Variants in SHISAL2A observed in about 807,000 individuals in gnomAD.
SHISAL2A encodes the protein shisa like 2A, also known as protein shisa-like-2A.
A neutral mutation model predicts 11.5 loss-of-function variants in SHISAL2A; 18 were observed. That is an observed-to-expected ratio of 1.57 (90% CI 1.08 to 2.33). The LOEUF is 2.33. SHISAL2A is among the 30% of genes most tolerant of loss of function. The probability of loss-of-function intolerance (pLI) is 0.00; values close to 1 mark genes in which losing one functional copy is unlikely to be tolerated. For synonymous variants in SHISAL2A, 94 were observed against 99.6 expected, an observed-to-expected ratio of 0.94 and a Z score of 0.34; for missense variants, 261 against 250.9, an observed-to-expected ratio of 1.04 and a Z score of -0.27.
intron 4 of SHISAL2A, among the ~76,000 whole-genome samples, chr1:52,665,444 C>T (rs1172272005): frequency 6.6e-6 from 1 of 152,146 alleles, no homozygotes; most frequent in Admixed American, 6.5e-5. Flanking sequence ...CAGTTGTCCC[C>T]GATGTCTTCT....
intron 1 of SHISAL2A, among the ~76,000 whole-genome samples, chr1:52,641,348 C>G (rs1200576703): frequency 6.6e-6 from 1 of 152,136 alleles, no homozygotes; most frequent in Admixed American, 6.5e-5. Flanking sequence ...GGGACTGAGC[C>G]CGTAACCTGT....
At chr1:52,667,920 C>T (rs1692042834) in intron 5 of SHISAL2A, among the ~76,000 whole-genome samples, 1 of 152,106 alleles carries the variant, frequency 6.6e-6, no homozygotes, top group African/African-American at 2.4e-5. Context: ...AGTTCTCTTG[C>T]CACCCAGTTT....
At position 52,633,636 on chromosome 1, in the gene SHISAL2A, G is replaced by A; in HGVS notation, c.143G>A (p.Ser48Asn). Reference sequence around the variant, plus strand: ...AAGTACTGCTGCGACGACCCGCACAGCTTCTTCCCCTACGAGCACAGCTAC... The same window carrying A: ...AAGTACTGCTGCGACGACCCGCACAACTTCTTCCCCTACGAGCACAGCTAC... ...DHKYCCDDPH[S>N]FFPYEHSYMW... Residue 48 changes from serine (S) to asparagine (N), a missense_variant, in exon 1 of 3, where the codon AGC becomes AAC. Ser to Asn is a conservative substitution (Grantham distance 46). Coordinates refer to ENST00000517870, the MANE Select transcript of SHISAL2A (RefSeq NM_001042693.3). This position sits in a 1 kb window ranked among gnomAD's most constrained non-coding sequence, Gnocchi z 6.4. 6.2e-7 allele frequency: 1 copy of A among 1,613,150 alleles called. No individual in the cohort carries two copies. Among genetic ancestry groups the A allele is most frequent in the Non-Finnish European group, 8.5e-7 (1 of 1,179,544 alleles).
downstream of SHISAL2A, among the ~76,000 whole-genome samples, chr1:52,657,594 C>T (rs1691818799): frequency 6.6e-6 from 1 of 152,136 alleles, no homozygotes; most frequent in African/African-American, 2.4e-5. Flanking sequence ...GCAGTTCACG[C>T]CTGTAGTCCT....
chr1:52,648,574 T>C (rs375673375), intron 2 of SHISAL2A, among the ~76,000 whole-genome samples: 10 of 152,296 alleles, frequency 6.6e-5, no homozygotes, highest in African/African-American at 2.4e-4. Flanking sequence ...CAGACACTGT[T>C]TGAAATTTCA....
At chr1:52,651,796 A>G (rs1489641914) in intron 2 of SHISAL2A, among the ~76,000 whole-genome samples, 1 of 152,226 alleles carries the variant, frequency 6.6e-6, no homozygotes, top group African/African-American at 2.4e-5. Flanking sequence ...TACAGAATGG[A>G]AAAAATTAGT....
rs779836276 is a variant in SHISAL2A, at chr1:52,656,892, C to T, written c.425C>T (p.Pro142Leu). The T allele has an allele frequency of 2.2e-5, 35 of 1,614,058 alleles. No homozygotes were observed. Among genetic ancestry groups the T allele is most frequent in the Admixed American group, 3.3e-5 (2 of 59,992 alleles). ...PLQQSYSCLNPQLESNEGQAV... is the reference protein window; with the variant it reads ...PLQQSYSCLNLQLESNEGQAV... ...CAGCAGAGTTACTCCTGCTTGAACC[C>T]GCAGCTGGAGAGCAATGAGGGGCAG... is the stretch of plus-strand genomic sequence containing the variant. Residue 142 changes from proline (P) to leucine (L), a missense_variant, in exon 3 of 3, where the codon CCG (proline) becomes CTG (leucine). By Grantham distance (98) the Pro-to-Leu change is moderately conservative. Transcript: ENST00000517870.
rs1194511561 is a variant in SHISAL2A at position 52,633,450 on chromosome 1, C to T, written c.-44C>T. The T allele has an allele frequency of 1.4e-6, 2 of 1,427,606 alleles. No homozygotes were observed. The highest frequency in any genetic ancestry group is 1.8e-6 in the Non-Finnish European group (2 of 1,099,390). The allele number at this position is 1,427,606 out of a possible 1,614,324, so 88.4% of individuals were successfully genotyped here. A position where few individuals can be genotyped will look rare whatever the true frequency, so the allele number is the denominator to read the frequency against. On this transcript the variant is annotated 5_prime_UTR_variant, in exon 1 of 3. Coordinates refer to ENST00000517870, the MANE Select transcript of SHISAL2A (RefSeq NM_001042693.3). The surrounding 1 kb of genome is among the most constrained non-coding windows in gnomAD (Gnocchi z 6.4). ...CGCTTCCCCGCCGGGCTCTAGCCGGCCGTCTGGTGGCCCGAGGTGGCGGCG... is the reference window on the plus strand; with the variant it reads ...CGCTTCCCCGCCGGGCTCTAGCCGGTCGTCTGGTGGCCCGAGGTGGCGGCG...
In SHISAL2A at chr1:52,665,940, G is replaced by A. The variant is rs572837859; in HGVS notation, n.696-1459G>A. On this transcript the variant is annotated intron_variant and non_coding_transcript_variant, in intron 4 of 5. Transcript: ENST00000401050. Reference sequence around the variant, plus strand: ...AGCGTGTGCATGTGTGAGCTCACATGTGTGAACATGACCAGAGCACCGGCC... The same window carrying A: ...AGCGTGTGCATGTGTGAGCTCACATATGTGAACATGACCAGAGCACCGGCC... Among the ~76,000 whole-genome samples, 16 of 152,312 alleles carry A rather than the reference G, an allele frequency of 1.1e-4. No homozygotes were observed. The East Asian group carries it at 1.2e-3, about 11-fold the overall frequency.
chr1:52,665,361 A>C (rs1348254187), intron 4 of SHISAL2A, among the ~76,000 whole-genome samples: 1 of 152,124 alleles, frequency 6.6e-6, no homozygotes, highest in African/African-American at 2.4e-5. Context: ...TCCAAGTGGG[A>C]GGTCAAGGTC....
rs554459971 is a variant in SHISAL2A at position 52,644,592 on chromosome 1, C to T, written c.322+1590C>T. ...ATACAAAATTAGCTGGGTGTGGTGG[C>T]AGGCACCTGTAATCCCAGCTACTCG... is the stretch of plus-strand genomic sequence containing the variant. On this transcript the variant is annotated intron_variant, in intron 2 of 2. Coordinates refer to ENST00000517870, the MANE Select transcript of SHISAL2A (RefSeq NM_001042693.3). Among the ~76,000 whole-genome samples, 5 of 152,226 alleles carry T rather than the reference C, an allele frequency of 3.3e-5. No homozygotes were observed. In the East Asian group the frequency reaches 7.7e-4, roughly 24 times the overall value.
downstream of SHISAL2A, among the ~76,000 whole-genome samples, chr1:52,659,020 G>A (rs1204153987): frequency 1.3e-5 from 2 of 149,754 alleles, no homozygotes; most frequent in East Asian, 4.0e-4. Context: ...ATTTGTTGTT[G>A]TTGGTGGTGG....
intron 1 of SHISAL2A, among the ~76,000 whole-genome samples, 195 bp from the exon 2 acceptor site, chr1:52,642,668 C>T (rs1033851908): frequency 5.9e-5 from 9 of 152,188 alleles, no homozygotes; most frequent in Admixed American, 2.0e-4. Flanking sequence ...AAGTGATCTG[C>T]CCGCCTCGGC....
chr1:52,643,856 G>T, intron 2 of SHISAL2A, among the ~76,000 whole-genome samples: 1 of 134,706 alleles, frequency 7.4e-6, no homozygotes, highest in Non-Finnish European at 1.6e-5. Flanking sequence ...GTCTCAGAAA[G>T]AAAGAAAGAA....
intron 2 of SHISAL2A, among the ~76,000 whole-genome samples, chr1:52,650,221 A>C (rs1691597280): frequency 6.6e-6 from 1 of 152,208 alleles, no homozygotes; most frequent in South Asian, 2.1e-4. Context: ...TGACTCCTCC[A>C]AGCAGGGGGA....
intron 2 of SHISAL2A, among the ~76,000 whole-genome samples, chr1:52,653,392 G>A (rs112857981): frequency 1.7e-3 from 261 of 151,554 alleles, no homozygotes; most frequent in African/African-American, 5.7e-3. Context: ...CCCAGGAGGC[G>A]GAGGCTGCCA....
chr1:52,642,977 C>T lies in SHISAL2A; in HGVS notation c.297C>T (p.Asp99=), dbSNP rs1399699809. 3.1e-6 allele frequency: 5 copies of T among 1,614,040 alleles called. No individual in the cohort carries two copies. In the South Asian group the frequency reaches 4.4e-5, roughly 14 times the overall value. Reference sequence around the variant, plus strand: ...GCTCTAAGCCCCACACAAAGTTGGACCTGGGCTTGAGCTTACAGACAGCAG... The same window carrying T: ...GCTCTAAGCCCCACACAAAGTTGGATCTGGGCTTGAGCTTACAGACAGCAG... ...FISSKPHTKL[D]LGLSLQTAGP... Residue 99 remains aspartate, a synonymous_variant, in exon 2 of 3, where the codon GAC becomes GAT. Coordinates refer to ENST00000517870, the MANE Select transcript of SHISAL2A (RefSeq NM_001042693.3).
intron 1 of SHISAL2A, among the ~76,000 whole-genome samples, chr1:52,639,768 A>G (rs1691319118): frequency 1.3e-5 from 2 of 151,838 alleles, no homozygotes; most frequent in Admixed American, 1.3e-4. Flanking sequence ...ACAAAACAAA[A>G]CATATTAAAA....
chr1:52,644,709 G>A (rs1466190849), intron 2 of SHISAL2A, among the ~76,000 whole-genome samples: 1 of 147,842 alleles, frequency 6.8e-6, no homozygotes, highest in Non-Finnish European at 1.5e-5. Flanking sequence ...GGGAGACAGA[G>A]CAAGACCGTG....
Sources: allele counts gnomAD v4.1 joint callset (sites outside exome capture counted in the v4.1 genomes callset), GRCh38; gene constraint gnomAD v4.1.1; non-coding constraint Gnocchi (gnomAD v3.1); transcripts MANE v1.5; gene names NCBI Gene and HGNC (gene_info 2026-07-23, HGNC 2026-07-21).